The following SFMBT2 variants were observed in gnomAD, a reference collection of about 807,000 sequenced individuals.
SFMBT2 encodes the protein scm-like with four MBT domains protein 2.
A neutral mutation model predicts 110.1 loss-of-function variants in SFMBT2; 38 were observed. That is an observed-to-expected ratio of 0.35 (90% confidence interval 0.27 to 0.45). SFMBT2 has a LOEUF of 0.45. Among genes scored for constraint, SFMBT2 ranks in the 20% least tolerant of loss-of-function variants. The pLI, the probability that SFMBT2 is intolerant of heterozygous loss-of-function variation, is 1.00. For synonymous variants in SFMBT2, 425 were observed against 425.4 expected, an observed-to-expected ratio of 1.00 and a Z score of 0.01; for missense variants, 1,011 against 1,094.9, an observed-to-expected ratio of 0.92 and a Z score of 1.08.
intron 11 of SFMBT2, among the ~76,000 whole-genome samples, chr10:7,218,901 T>C (rs372103087): frequency 4.6e-5 from 7 of 152,200 alleles, no homozygotes; most frequent in African/African-American, 1.7e-4. Flanking sequence ...ATCAGGACAC[T>C]CTTACTGCTG....
chr10:7,205,536 T>C (rs1839101698), intron 12 of SFMBT2: 1 of 985,368 alleles, frequency 1.0e-6, no homozygotes, highest in Non-Finnish European at 1.2e-6. Context: ...ATCAAAACAA[T>C]GAATTGTATA....
chr10:7,256,433 T>C (rs566174635), intron 7 of SFMBT2, among the ~76,000 whole-genome samples: 3 of 152,394 alleles, frequency 2.0e-5, no homozygotes, highest in African/African-American at 7.2e-5. Context: ...AGTTTTGCTG[T>C]TAATTCCTCG....
chr10:7,280,639 A>C (rs1381052952), intron 6 of SFMBT2, among the ~76,000 whole-genome samples: 2 of 152,230 alleles, frequency 1.3e-5, no homozygotes, highest in African/African-American at 4.8e-5. Context: ...ATCACAGATT[A>C]AATGTCTAGA....
intron 4 of SFMBT2, among the ~76,000 whole-genome samples, chr10:7,356,706 C>CG (rs1357275171): frequency 2.6e-5 from 4 of 152,212 alleles, no homozygotes; most frequent in African/African-American, 9.7e-5. Flanking sequence ...GTGTGAGCCA[C>CG]GGCGCCCAGC....
At chr10:7,394,073 G>T (rs1298322567) in intron 1 of SFMBT2, among the ~76,000 whole-genome samples, 2 of 151,960 alleles carry the variant, frequency 1.3e-5, no homozygotes, top group Non-Finnish European at 2.9e-5. Context: ...TTCGATCTCG[G>T]CTCACTGCCT....
At chr10:7,395,981 TC>T (rs929671888) in intron 1 of SFMBT2, among the ~76,000 whole-genome samples, 4 of 152,160 alleles carry the variant, frequency 2.6e-5, no homozygotes, top group Non-Finnish European at 5.9e-5. Context: ...ACACGTGTAA[TC>T]CCAGCACTTT....
Position 7,287,083 on chromosome 10 carries a change from T to TTTC in SFMBT2, c.437-1130_437-1129insGAA, listed in dbSNP as rs1401063178. On this transcript the variant is annotated intron_variant, in intron 4 of 20. Coordinates refer to ENST00000397167, the MANE Select transcript of SFMBT2 (RefSeq NM_001387889.1). Reference sequence around the variant, plus strand: ...AGGAATGTATTTGAGGCATCTTTTTTTTTTTTTTTTTTTTTTGAGACAGAG... The same window carrying TTTC: ...AGGAATGTATTTGAGGCATCTTTTTTTTCTTTTTTTTTTTTTTTTGAGACAGAG... Among the ~76,000 whole-genome samples, 19 of 143,466 alleles carry TTTC rather than the reference T, an allele frequency of 1.3e-4. 1 individual carries two copies. Among genetic ancestry groups the TTTC allele is most frequent in the Admixed American group, 1.2e-3 (18 of 14,444 alleles). 94.1% of individuals were successfully genotyped at this position (143,466 alleles called of 152,430 possible).
At chr10:7,207,707 A>C in intron 11 of SFMBT2, 5 of 640,056 alleles carry the variant, frequency 7.8e-6, no homozygotes, top group Non-Finnish European at 9.7e-6. Flanking sequence ...ATGGTCCTAA[A>C]TCTGGTGCGA....
intron 4 of SFMBT2, chr10:7,320,538 T>C (rs887971993): frequency 7.4e-6 from 7 of 939,950 alleles, no homozygotes; most frequent in South Asian, 9.8e-5. Flanking sequence ...AAAGGAACCA[T>C]TTCACTATAG....
rs529718217 is a variant in SFMBT2, at chr10:7,181,963, A to C, written c.1809-5798T>G. On this transcript the variant is annotated intron_variant, in intron 16 of 20. Transcript: ENST00000397167. Reference sequence around the variant, plus strand: ...CAGCATTTGATCACTTGATCCTTACATGATCTTCCCAGGCACAGTGGACAG... The same window carrying C: ...CAGCATTTGATCACTTGATCCTTACCTGATCTTCCCAGGCACAGTGGACAG... Among the ~76,000 whole-genome samples, 5 of 152,332 alleles carry C rather than the reference A, an allele frequency of 3.3e-5. No homozygotes were observed. In the East Asian group the frequency reaches 9.6e-4, roughly 29 times the overall value.
chr10:7,178,314 G>C (rs1475152346), intron 16 of SFMBT2, among the ~76,000 whole-genome samples: 2 of 152,152 alleles, frequency 1.3e-5, no homozygotes, highest in Non-Finnish European at 2.9e-5. Context: ...CACCAATCTA[G>C]ATGAAGGGTA....
intron 8 of SFMBT2, among the ~76,000 whole-genome samples, chr10:7,245,465 C>A (rs1470761571): frequency 4.6e-5 from 7 of 152,162 alleles, no homozygotes; most frequent in Non-Finnish European, 7.3e-5. Flanking sequence ...GGGAACACTC[C>A]AAAGGAAAAG....
chr10:7,246,200 G>A (rs1198004080), intron 8 of SFMBT2: 2 of 982,332 alleles, frequency 2.0e-6, no homozygotes, highest in African/African-American at 3.5e-5. Context: ...GTAAGAAAAA[G>A]CAAAATAAAA....
chr10:7,225,854 G>C (rs1042165511), intron 10 of SFMBT2, among the ~76,000 whole-genome samples: 1 of 152,098 alleles, frequency 6.6e-6, no homozygotes, highest in African/African-American at 2.4e-5. Flanking sequence ...ATCTCAAAAG[G>C]GTTTTAGGGT....
intron 1 of SFMBT2, 83 bp from the exon 2 acceptor site, chr10:7,382,032 A>C (rs1225181737): frequency 2.8e-6 from 2 of 719,042 alleles, no homozygotes; most frequent in Non-Finnish European, 4.2e-6. Flanking sequence ...GTTTAAAAAA[A>C]ACCTTATTAG....
chr10:7,409,804 AG>A lies in SFMBT2; in HGVS notation c.-52+1056del, dbSNP rs1266108603. 4.7e-4 allele frequency among the ~76,000 whole-genome samples: 71 copies of A among 149,918 alleles called. 1 individual carries two copies. The highest frequency in any genetic ancestry group is 4.4e-3 in the Admixed American group (67 of 15,124). On this transcript the variant is annotated intron_variant, in intron 1 of 20. Coordinates refer to ENST00000397167, the MANE Select transcript of SFMBT2 (RefSeq NM_001387889.1). ...ATTTTCAGTTTTTAAAAGCCACCTT[AG>A]CCCGCCATATTGAAACTGGCACGGT...
At chr10:7,278,327 A>T (rs1841844348) in intron 6 of SFMBT2, among the ~76,000 whole-genome samples, 1 of 152,194 alleles carries the variant, frequency 6.6e-6, no homozygotes, top group Non-Finnish European at 1.5e-5. Context: ...GATCCCCAAA[A>T]GTAGGCACAG....
rs372113965 is a variant in SFMBT2, at chr10:7,197,138, G to A, written c.1698+410C>T. 2.0e-4 allele frequency among the ~76,000 whole-genome samples: 30 copies of A among 152,194 alleles called. No homozygotes were observed. In the East Asian group the frequency reaches 2.1e-3, roughly 11 times the overall value. On this transcript the variant is annotated intron_variant, in intron 15 of 20. Transcript: ENST00000397167. ...CAGCACCATGACCCGGCCAAGGAGC[G>A]CCATTCTCGGTGATTAACACCCTCT...
chr10:7,267,857 G>A (rs1445133535), intron 7 of SFMBT2, among the ~76,000 whole-genome samples: 1 of 152,164 alleles, frequency 6.6e-6, no homozygotes, highest in Non-Finnish European at 1.5e-5. Context: ...CTTCCTTGCT[G>A]TGACAAGGTG....
Sources: allele counts gnomAD v4.1 joint callset (sites outside exome capture counted in the v4.1 genomes callset), GRCh38; gene constraint gnomAD v4.1.1; transcripts MANE v1.5; gene names NCBI Gene and HGNC (gene_info 2026-07-23, HGNC 2026-07-21).